Variants in ZNF208 observed in about 807,000 individuals in gnomAD.
ZNF208 encodes the protein zinc finger protein 208.
In ZNF208, 10 loss-of-function variants were observed where a neutral mutation model predicts 12.1. The observed-to-expected ratio is 0.83, with a 90% CI of 0.51 to 1.40. ZNF208 has a LOEUF of 1.40. Among genes scored for constraint, ZNF208 ranks in the 40% most tolerant of loss-of-function variants. The probability of loss-of-function intolerance (pLI) is 0.00; values close to 1 mark genes in which losing one functional copy is unlikely to be tolerated. For missense variants in ZNF208, 1,652 were observed against 1,485.0 expected, an observed-to-expected ratio of 1.11 and a Z score of -1.85; for synonymous variants, 497 against 488.4, an observed-to-expected ratio of 1.02 and a Z score of -0.23.
At chr19:21,987,617 G>C (rs1482662773) in intron 2 of ZNF208, among the ~76,000 whole-genome samples, 1 of 152,116 alleles carries the variant, frequency 6.6e-6, no homozygotes, top group Non-Finnish European at 1.5e-5. Flanking sequence ...CAAGGAGAAA[G>C]ATACTCCTTT....
At chr19:21,988,463 T>C (rs1305676027) in intron 2 of ZNF208, among the ~76,000 whole-genome samples, 1 of 152,110 alleles carries the variant, frequency 6.6e-6, no homozygotes, top group Non-Finnish European at 1.5e-5. Flanking sequence ...CCTGGTGCCA[T>C]GCTCCTTGAA....
chr19:21,973,966 A>T lies in ZNF208; in HGVS notation c.1068T>A (p.Leu356=). The change falls in exon 4 of 4, where the codon CTT becomes CTA. Residue 356 remains leucine, a synonymous_variant. Coordinates refer to ENST00000397126, the MANE Select transcript of ZNF208 (RefSeq NM_007153.3). ...CGKAFSKFSI[L]TKHKVIHTGE... Reference sequence around the variant, plus strand: ...CAGTATGAATTACCTTATGTTTAGTAAGGATTGAGAACTTACTAAAGGCTT... The same window carrying T: ...CAGTATGAATTACCTTATGTTTAGTTAGGATTGAGAACTTACTAAAGGCTT... 1 of 1,613,376 alleles carries T rather than the reference A, an allele frequency of 6.2e-7. No individual in the cohort carries two copies. The highest frequency in any genetic ancestry group is 8.5e-7 in the Non-Finnish European group (1 of 1,179,810).
chr19:21,970,837 T>G lies in ZNF208; in HGVS notation c.*354A>C. 1.3e-6 allele frequency: 2 copies of G among 1,492,168 alleles called. No homozygotes were observed. Among genetic ancestry groups the G allele is most frequent in the South Asian group, 2.3e-5 (2 of 88,004 alleles). The allele number at this position is 1,492,168 out of a possible 1,614,324, so 92.4% of individuals were successfully genotyped here. A position where few individuals can be genotyped will look rare whatever the true frequency, so the allele number is the denominator to read the frequency against. On this transcript the variant is annotated 3_prime_UTR_variant, in exon 4 of 4. Transcript: ENST00000397126. ...AAGACTGAGAACCAGCTGAAGGCTT[T>G]GCCACTTTCTTCACATTTGTAGGGT...
intron 4 of ZNF208, among the ~76,000 whole-genome samples, chr19:21,950,544 A>C (rs993205749): frequency 1.0e-4 from 15 of 147,812 alleles, no homozygotes; most frequent in African/African-American, 3.8e-4. Flanking sequence ...CCTAGGCTGG[A>C]GTGCAACAGC....
At chr19:21,951,081 T>C (rs1969880712) in intron 4 of ZNF208, among the ~76,000 whole-genome samples, 2 of 152,204 alleles carry the variant, frequency 1.3e-5, no homozygotes, top group East Asian at 1.9e-4. Flanking sequence ...AACATGTAAA[T>C]AGGTGGTCTA....
chr19:21,974,658 G>C lies in ZNF208; in HGVS notation c.376C>G (p.His126Asp), dbSNP rs776167645. The change falls in exon 4 of 4, where the codon CAC becomes GAC. Residue 126 changes from histidine (H) to aspartate (D), a missense_variant. By Grantham distance (81) the His-to-Asp change is moderately conservative (BLOSUM62 -1). Transcript: ENST00000397126. ...TTAAGTTTATTATAACCTTCTTTGT[G>C]CACCTTACACTCATCCACATTGGTA... ...GYTNVDECKV[H>D]KEGYNKLNQS... 1 of 1,613,586 alleles carries C rather than the reference G, an allele frequency of 6.2e-7. No homozygotes were observed. Among genetic ancestry groups the C allele is most frequent in the Non-Finnish European group, 8.5e-7 (1 of 1,179,764 alleles).
chr19:21,970,657 T>A lies in ZNF208; in HGVS notation c.*534A>T. The A allele has an allele frequency of 2.0e-6, 2 of 1,011,708 alleles. No homozygotes were observed. Among genetic ancestry groups the A allele is most frequent in the Admixed American group, 1.8e-5 (1 of 55,714 alleles). The allele number at this position is 1,011,708 out of a possible 1,614,324, so 62.7% of individuals were successfully genotyped here. On this transcript the variant is annotated 3_prime_UTR_variant, in exon 4 of 4. Coordinates refer to ENST00000397126, the MANE Select transcript of ZNF208 (RefSeq NM_007153.3). The stretch of plus-strand genomic sequence containing the variant: ...CTTATGTTCCATAAGGTTTGAGGAC[T>A]GGTTGAAGCCTTTGCCACATTCTTC...
At chr19:21,990,344 C>T (rs996783952) in intron 1 of ZNF208, among the ~76,000 whole-genome samples, 1 of 152,178 alleles carries the variant, frequency 6.6e-6, no homozygotes, top group African/African-American at 2.4e-5. Context: ...ATAAGGAATC[C>T]TTTCCCCATT....
At chr19:22,000,172 A>C (rs1211991359) in intron 1 of ZNF208, among the ~76,000 whole-genome samples, 1 of 152,214 alleles carries the variant, frequency 6.6e-6, no homozygotes, top group Non-Finnish European at 1.5e-5. Flanking sequence ...ATTAACAACA[A>C]TATTACGACT....
chr19:21,967,704 C>T lies in ZNF208; in HGVS notation c.*3487G>A, dbSNP rs938142903. ...CTTGGCCCAGATTTATTCTTTTAGT[C>T]TGAAGTTTTCTTGGCTATTTGAGCT... On this transcript the variant is annotated 3_prime_UTR_variant, in exon 4 of 4. Coordinates refer to ENST00000397126, the MANE Select transcript of ZNF208 (RefSeq NM_007153.3). 7.9e-5 allele frequency: 12 copies of T among 152,048 alleles called. No individual in the cohort carries two copies. The highest frequency in any genetic ancestry group is 2.4e-4 in the African/African-American group (10 of 41,420). 9.4% of individuals were successfully genotyped at this position (152,048 alleles called of 1,614,324 possible). A position where few individuals can be genotyped will look rare whatever the true frequency, so the allele number is the denominator to read the frequency against.
At chr19:22,002,920 A>G (rs568208657) in intron 1 of ZNF208, among the ~76,000 whole-genome samples, 55 of 152,130 alleles carry the variant, frequency 3.6e-4, no homozygotes, top group Non-Finnish European at 6.0e-4. Context: ...AACAAAGCTG[A>G]AGGCATTACA....
intron 3 of ZNF208, among the ~76,000 whole-genome samples, chr19:21,981,970 C>T (rs1183535830): frequency 1.3e-5 from 2 of 151,960 alleles, no homozygotes; most frequent in Non-Finnish European, 2.9e-5. Flanking sequence ...GAATAAAATA[C>T]CTAGGAATAC....
intron 3 of ZNF208, among the ~76,000 whole-genome samples, chr19:21,975,628 A>G (rs1273016452): frequency 2.6e-5 from 4 of 152,076 alleles, no homozygotes; most frequent in Admixed American, 6.6e-5. Context: ...CATCAAAAAT[A>G]TTATACAATT....
intron 1 of ZNF208, among the ~76,000 whole-genome samples, chr19:21,999,418 T>A (rs1970900706): frequency 6.6e-6 from 1 of 152,182 alleles, no homozygotes; most frequent in South Asian, 2.1e-4. Flanking sequence ...TGTACTGAAG[T>A]AACCCAAGTA....
intron 3 of ZNF208, among the ~76,000 whole-genome samples, chr19:21,975,560 T>G (rs1333194489): frequency 6.6e-6 from 1 of 152,114 alleles, no homozygotes; most frequent in African/African-American, 2.4e-5. Context: ...ACAGGTAGCC[T>G]TTTTAAATGT....
chr19:21,940,321 T>C (rs1969714689), intron 4 of ZNF208: 1 of 152,198 alleles, frequency 6.6e-6, no homozygotes, highest in Non-Finnish European at 1.5e-5. Flanking sequence ...GTTTAGTTGA[T>C]AGAATCAAAT....
In ZNF208 at chr19:21,956,791, G is replaced by C. The variant is rs974827908; in HGVS notation, c.305+17938C>G. On this transcript the variant is annotated intron_variant, in intron 4 of 4. Transcript: ENST00000599916. ...CCCCAACCCCTTGCACTTTCCAGCT[G>C]TGGTGATGTCCCACCCTGCTTCGGC... Among the ~76,000 whole-genome samples, 62 of 152,154 alleles carry C rather than the reference G, an allele frequency of 4.1e-4. 1 individual carries two copies. Among genetic ancestry groups the C allele is most frequent in the African/African-American group, 1.5e-3 (62 of 41,446 alleles).
intron 3 of ZNF208, among the ~76,000 whole-genome samples, chr19:21,983,201 T>C (rs1397766621): frequency 1.3e-5 from 2 of 151,442 alleles, no homozygotes; most frequent in Non-Finnish European, 2.9e-5. Flanking sequence ...GCAAAGGATA[T>C]GAACAGACAT....
intron 3 of ZNF208, among the ~76,000 whole-genome samples, chr19:21,977,130 G>A (rs554349227): frequency 3.3e-5 from 5 of 152,330 alleles, no homozygotes; most frequent in East Asian, 1.9e-4. Context: ...CTGTGAAAAC[G>A]TTGAATACGT....
Sources: allele counts gnomAD v4.1 joint callset (sites outside exome capture counted in the v4.1 genomes callset), GRCh38; gene constraint gnomAD v4.1.1; transcripts MANE v1.5; gene names NCBI Gene and HGNC (gene_info 2026-07-23, HGNC 2026-07-21).